The following C16orf46 variants were observed in gnomAD, a reference collection of about 807,000 sequenced individuals.
The protein encoded by C16orf46 is chromosome 16 open reading frame 46, also known as uncharacterized protein C16orf46.
C16orf46 carries 7 observed loss-of-function variants against 5.5 expected under a neutral mutation model. That is an observed-to-expected ratio of 1.28 (90% CI 0.73 to 2.40). The LOEUF (loss-of-function observed/expected upper bound fraction) is 2.40. Among genes scored for constraint, C16orf46 ranks in the 30% most tolerant of loss-of-function variants. The probability of loss-of-function intolerance (pLI) is 0.00; values close to 1 mark genes in which losing one functional copy is unlikely to be tolerated. For missense variants in C16orf46, 614 were observed against 476.0 expected, an observed-to-expected ratio of 1.29 and a Z score of -2.70; for synonymous variants, 200 against 184.1, an observed-to-expected ratio of 1.09 and a Z score of -0.70.
At chr16:81,059,447 A>C (rs938610012), downstream of C16orf46, among the ~76,000 whole-genome samples, 10 of 152,276 alleles carry the variant, frequency 6.6e-5, no homozygotes, top group East Asian at 1.7e-3. Context: ...CAGGAAATCC[A>C]GACTTCAAGT....
rs756510520 is a variant in C16orf46, at chr16:81,061,743, GGGGCCT to G, written c.600_605del (p.Gly201_Pro202del). 18 of 1,613,858 alleles carry G rather than the reference GGGGCCT, an allele frequency of 1.1e-5. No homozygotes were observed. The highest frequency in any genetic ancestry group is 1.5e-5 in the Non-Finnish European group (18 of 1,180,032). ...GAACTAGGAGGGCCCTGGAAGTCAG[GGGGCCT>G]GGGATGGACAGCCCTCTGTGGGCCC... On this transcript the variant is annotated inframe_deletion, in exon 4 of 4. Transcript: ENST00000299578.
intron 3 of C16orf46, among the ~76,000 whole-genome samples, chr16:81,062,710 C>T (rs967925071): frequency 2.0e-5 from 3 of 151,976 alleles, no homozygotes; most frequent in South Asian, 4.2e-4. Context: ...TCCCCATACA[C>T]GCCCAGAGTC....
downstream of C16orf46, among the ~76,000 whole-genome samples, chr16:81,058,217 G>A (rs1398621238): frequency 9.9e-5 from 15 of 152,238 alleles, no homozygotes; most frequent in East Asian, 2.9e-3. Context: ...GGCAAAGCTG[G>A]GGTACTAAAA....
intron 3 of C16orf46, among the ~76,000 whole-genome samples, chr16:81,062,448 A>C (rs1971516165): frequency 6.6e-6 from 1 of 152,240 alleles, no homozygotes; most frequent in Admixed American, 6.5e-5. Flanking sequence ...CTAAAACACT[A>C]AGCAACAGTA....
At chr16:81,055,304 A>C (rs1238918268) in intron 3 of C16orf46, 6 of 152,214 alleles carry the variant, frequency 3.9e-5, no homozygotes, top group Admixed American at 1.3e-4. Flanking sequence ...AAAAGGAAAA[A>C]AAAATAAAGG....
chr16:81,053,855 T>C lies in C16orf46; in HGVS notation c.*216A>G, dbSNP rs550087932. 8 of 505,234 alleles carry C rather than the reference T, an allele frequency of 1.6e-5. No individual in the cohort carries two copies. The East Asian group carries it at 2.4e-4, about 15-fold the overall frequency. The allele number at this position is 505,234 out of a possible 1,614,324, so 31.3% of individuals were successfully genotyped here. On this transcript the variant is annotated 3_prime_UTR_variant, in exon 4 of 4. Transcript: ENST00000378611. ...ATATAACCTCTTTTTGGGGGCCGGGTTGGGGAGACCTAAAAGAGCGAGCCG... is the reference window on the plus strand; with the variant it reads ...ATATAACCTCTTTTTGGGGGCCGGGCTGGGGAGACCTAAAAGAGCGAGCCG...
intron 1 of C16orf46, among the ~76,000 whole-genome samples, chr16:81,067,868 A>G (rs998182517): frequency 6.6e-6 from 1 of 152,226 alleles, no homozygotes; most frequent in Admixed American, 6.5e-5. Flanking sequence ...TTTAAGTTGC[A>G]GTAAAGACCT....
In C16orf46 at chr16:81,073,790, A is replaced by C. The variant is rs187229277; in HGVS notation, c.-128+3346T>G. 4.4e-3 allele frequency among the ~76,000 whole-genome samples: 663 copies of C among 152,344 alleles called. 4 individuals are homozygous for C. The highest frequency in any genetic ancestry group is 0.02 in the Middle Eastern group (6 of 294). ...GAATGTGGATGGCATTTAGGAGCTGAGAAAAGACCCTGGTTTACAGTGAGG... is the reference window on the plus strand; with the variant it reads ...GAATGTGGATGGCATTTAGGAGCTGCGAAAAGACCCTGGTTTACAGTGAGG... On this transcript the variant is annotated intron_variant, in intron 1 of 3. Coordinates refer to ENST00000299578, the MANE Select transcript of C16orf46 (RefSeq NM_152337.3).
intron 1 of C16orf46, among the ~76,000 whole-genome samples, chr16:81,068,718 T>G (rs531180197): frequency 6.6e-6 from 1 of 151,910 alleles, no homozygotes; most frequent in East Asian, 1.9e-4. Context: ...ATATATATTT[T>G]TTAGACCAAG....
At chr16:81,067,590 T>C (rs804897) in intron 1 of C16orf46, among the ~76,000 whole-genome samples, 126,377 of 152,142 alleles carry the variant, frequency 0.83, 53,430 homozygotes, top group Non-Finnish European at 0.92. Flanking sequence ...ACTCGCTCTG[T>C]TGCCCAGGTT....
rs757009701 is a variant in C16orf46 at position 81,061,666 on chromosome 16, T to A, written c.683A>T (p.Lys228Met). Reference protein sequence around the residue: ...LSNALDVLGKKSKNSFLQSEE... With the variant: ...LSNALDVLGKMSKNSFLQSEE... ...TGACTGCAAGAAAGAGTTCTTACTC[T>A]TCTTACCCAGAACATCCAAAGCATT... The change falls in exon 4 of 4, where the codon AAG becomes ATG. Residue 228 changes from lysine (K) to methionine (M), a missense_variant. Transcript: ENST00000299578. The A allele has an allele frequency of 2.5e-6, 4 of 1,614,100 alleles. No individual in the cohort carries two copies. Among genetic ancestry groups the A allele is most frequent in the Non-Finnish European group, 3.4e-6 (4 of 1,180,042 alleles).
downstream of C16orf46, chr16:81,060,768 T>G (rs1971437359): frequency 5.3e-6 from 1 of 188,744 alleles, no homozygotes; most frequent in African/African-American, 2.4e-5. Context: ...AAAGGACACC[T>G]GCCAGATGGC....
In C16orf46 at chr16:81,061,723, A is replaced by C. The variant is rs1323645783; in HGVS notation, c.626T>G (p.Leu209Arg). 6.2e-7 allele frequency: 1 copy of C among 1,614,028 alleles called. No homozygotes were observed. The highest frequency in any genetic ancestry group is 8.5e-7 in the Non-Finnish European group (1 of 1,180,028). ...TGAAGCCTTCAGGGGAGGCAGAACTAGGAGGGCCCTGGAAGTCAGGGGGCC... is the reference window on the plus strand; with the variant it reads ...TGAAGCCTTCAGGGGAGGCAGAACTCGGAGGGCCCTGGAAGTCAGGGGGCC... ...IPGPLTSRALLVLPPLKASLS... is the reference protein window; with the variant it reads ...IPGPLTSRALRVLPPLKASLS... The change falls in exon 4 of 4, where the codon CTA becomes CGA. Residue 209 changes from leucine to arginine, a missense_variant. Transcript: ENST00000299578.
intron 1 of C16orf46, chr16:81,072,305 T>A (rs1971882235): frequency 6.7e-6 from 1 of 149,180 alleles, no homozygotes; most frequent in Non-Finnish European, 1.5e-5. Context: ...GAGGGGTTGT[T>A]CGTGTAATGA....
chr16:81,071,869 A>G (rs1446613585), intron 1 of C16orf46: 2 of 152,236 alleles, frequency 1.3e-5, no homozygotes, highest in African/African-American at 4.8e-5. Context: ...AGAGACAGCT[A>G]CTGCTGCCCA....
intron 1 of C16orf46, among the ~76,000 whole-genome samples, chr16:81,071,062 G>A (rs1053795651): frequency 4.9e-4 from 75 of 152,110 alleles, no homozygotes; most frequent in Admixed American, 1.4e-3. Flanking sequence ...ATATGGTGTG[G>A]ACATACTTGT....
chr16:81,062,849 G>A (rs1161766322), intron 3 of C16orf46, among the ~76,000 whole-genome samples: 3 of 148,112 alleles, frequency 2.0e-5, no homozygotes, highest in African/African-American at 7.4e-5. Flanking sequence ...TTAATCACTG[G>A]ATTAGACCAA....
chr16:81,056,838 G>T (rs539459690), downstream of C16orf46, among the ~76,000 whole-genome samples: 2 of 152,098 alleles, frequency 1.3e-5, no homozygotes, highest in Non-Finnish European at 2.9e-5. Flanking sequence ...GTGGCAAGCT[G>T]GGCGTTCCCC....
intron 2 of C16orf46, among the ~76,000 whole-genome samples, chr16:81,065,455 C>A (rs1197184954): frequency 8.5e-6 from 1 of 117,380 alleles, no homozygotes; most frequent in African/African-American, 3.4e-5. Flanking sequence ...GCCTGGGCGA[C>A]AGAGTAAGAA....
Sources: gnomAD v4.1 joint callset for allele counts (sites outside exome capture counted in the v4.1 genomes callset) on GRCh38, gnomAD v4.1.1 for gene constraint, MANE v1.5 for transcripts, NCBI Gene and HGNC (gene_info 2026-07-23, HGNC 2026-07-21) for gene names.